The following TSPAN8 variants were observed in gnomAD, a reference collection of about 807,000 sequenced individuals.
The protein encoded by TSPAN8 is tetraspanin-8.
TSPAN8 carries 21 observed loss-of-function variants against 32.8 expected under a neutral mutation model. That is an observed-to-expected ratio of 0.64 (90% CI 0.45 to 0.92). TSPAN8 has a LOEUF of 0.92. Ranked by LOEUF, TSPAN8 falls within the 40% of genes least tolerant of loss-of-function variation. The pLI, the probability that TSPAN8 is intolerant of heterozygous loss-of-function variation, is 0.00. For synonymous variants in TSPAN8, 95 were observed against 94.6 expected (o/e 1.00, Z -0.03); for missense variants, 269 against 281.9 (o/e 0.95, Z 0.33).
rs1872395375 is a variant in TSPAN8 at position 71,155,424 on chromosome 12, T to C, written c.60+2195A>G. On this transcript the variant is annotated intron_variant, in intron 2 of 8. Coordinates refer to ENST00000247829, the MANE Select transcript of TSPAN8 (RefSeq NM_004616.3). ...CACCACAGGTATGCAAACAGCAAAATCCAGACTGTGGGCAATGTGATAAAA... is the reference window on the plus strand; with the variant it reads ...CACCACAGGTATGCAAACAGCAAAACCCAGACTGTGGGCAATGTGATAAAA... Among the ~76,000 whole-genome samples the C allele has an allele frequency of 3.3e-5, 5 of 151,748 alleles. No homozygotes were observed. The South Asian group carries it at 1.0e-3, about 32-fold the overall frequency.
At chr12:71,144,624 G>C (rs979218655) in intron 2 of TSPAN8, among the ~76,000 whole-genome samples, 1 of 152,152 alleles carries the variant, frequency 6.6e-6, no homozygotes, top group Admixed American at 6.5e-5. Flanking sequence ...GGAAAAAAGG[G>C]AATGACGGAA....
intron 2 of TSPAN8, among the ~76,000 whole-genome samples, chr12:71,156,512 A>G (rs1478605884): frequency 6.6e-6 from 1 of 152,140 alleles, no homozygotes; most frequent in Non-Finnish European, 1.5e-5. Context: ...TTTTTTAAAT[A>G]TTTACTTACT....
chr12:71,147,729 T>C (rs1484279632), intron 2 of TSPAN8, among the ~76,000 whole-genome samples: 1 of 152,078 alleles, frequency 6.6e-6, no homozygotes, highest in African/African-American at 2.4e-5. Flanking sequence ...TACTTGTGAG[T>C]TTTTTTGCAT....
chr12:71,152,501 C>A (rs1872288566), intron 2 of TSPAN8, among the ~76,000 whole-genome samples: 2 of 152,110 alleles, frequency 1.3e-5, no homozygotes, highest in Admixed American at 6.6e-5. Context: ...CTTATTTAAT[C>A]ATCACCACAA....
intron 2 of TSPAN8, among the ~76,000 whole-genome samples, chr12:71,152,481 T>G (rs1872287547): frequency 6.6e-6 from 1 of 152,204 alleles, no homozygotes. Context: ...TACTTCTTTA[T>G]ATATATTAAC....
intron 6 of TSPAN8, among the ~76,000 whole-genome samples, chr12:71,136,544 C>T (rs1174956398): frequency 3.3e-5 from 5 of 152,140 alleles, no homozygotes; most frequent in Admixed American, 2.6e-4. Flanking sequence ...GAAACTGATG[C>T]AAAGGCAGGA....
intron 2 of TSPAN8, 115 bp downstream of exon 2, chr12:71,157,504 A>C: frequency 2.8e-6 from 2 of 720,426 alleles, no homozygotes; most frequent in South Asian, 4.2e-5. Context: ...GTACATGGAA[A>C]ATACATTTTC....
intron 6 of TSPAN8, among the ~76,000 whole-genome samples, chr12:71,134,460 G>A (rs989756548): frequency 3.9e-5 from 6 of 152,194 alleles, no homozygotes; most frequent in Non-Finnish European, 7.3e-5. Flanking sequence ...AAATTCAACT[G>A]AGGCAGATAC....
At chr12:71,135,502 A>T (rs1871666992) in intron 6 of TSPAN8, among the ~76,000 whole-genome samples, 1 of 105,712 alleles carries the variant, frequency 9.5e-6, no homozygotes, top group Admixed American at 1.1e-4. Context: ...GAAGAAAAGG[A>T]AGAAGGAGGA....
chr12:71,126,647 T>A (rs80040371), intron 8 of TSPAN8, among the ~76,000 whole-genome samples: 1,777 of 152,274 alleles, frequency 0.012, 28 homozygotes, highest in African/African-American at 0.041. Context: ...CTAAGAGGTA[T>A]GCAGCAGTCT....
intron 3 of TSPAN8, among the ~76,000 whole-genome samples, chr12:71,141,375 T>C (rs1481451572): frequency 6.6e-6 from 1 of 152,178 alleles, no homozygotes; most frequent in African/African-American, 2.4e-5. Flanking sequence ...TCAAAATAAA[T>C]GTGACAAAAA....
chr12:71,125,364 C>A lies in TSPAN8; in HGVS notation c.684G>T (p.Met228Ile), dbSNP rs1871319350. ...TGTTCCCGATCTGGCAATACAGGAC[C>A]ATAGAAAACACCAAACCCAGTATCT... ...VIEILGLVFS[M>I]VLYCQIGNK Residue 228 changes from methionine (M) to isoleucine (I), a missense_variant, in exon 9 of 9, where the codon ATG becomes ATT. By Grantham distance (10) the Met-to-Ile change is conservative. Transcript: ENST00000247829. 1 of 1,612,686 alleles carries A rather than the reference C, an allele frequency of 6.2e-7. No homozygotes were observed. The highest frequency in any genetic ancestry group is 2.2e-5 in the East Asian group (1 of 44,834).
At position 71,157,625 on chromosome 12, in the gene TSPAN8, C is replaced by G; in HGVS notation, c.54G>C (p.Leu18Phe). 1 of 1,611,396 alleles carries G rather than the reference C, an allele frequency of 6.2e-7. No homozygotes were observed. Among genetic ancestry groups the G allele is most frequent in the South Asian group, 1.1e-5 (1 of 91,034 alleles). The stretch of plus-strand genomic sequence containing the variant: ...TTAAAAGGAAAACACTTACCCAGAA[C>G]AAGAAGTTGAAGGTAAACATAGAAT... Reference protein sequence around the residue: ...IKYSMFTFNFLFWLCGILILA... With the variant: ...IKYSMFTFNFFFWLCGILILA... Residue 18 changes from leucine (L) to phenylalanine (F), a missense_variant, in exon 2 of 9, where the codon TTG (leucine) becomes TTC (phenylalanine). Coordinates refer to ENST00000247829, the MANE Select transcript of TSPAN8 (RefSeq NM_004616.3).
At chr12:71,131,883 T>C (rs1450538460) in intron 7 of TSPAN8, among the ~76,000 whole-genome samples, 1 of 151,830 alleles carries the variant, frequency 6.6e-6, no homozygotes, top group East Asian at 2.0e-4. Context: ...TAGTAGACCA[T>C]TGGATTGAAG....
At chr12:71,136,753 A>T (rs1871710028) in intron 6 of TSPAN8, among the ~76,000 whole-genome samples, 1 of 152,218 alleles carries the variant, frequency 6.6e-6, no homozygotes. Context: ...CTGGTCAGAC[A>T]GATCTGGGTT....
intron 7 of TSPAN8, among the ~76,000 whole-genome samples, 188 bp downstream of exon 7, chr12:71,132,505 C>T (rs2137047652): frequency 6.6e-6 from 1 of 152,152 alleles, no homozygotes; most frequent in South Asian, 2.1e-4. Context: ...TGATGCCAGA[C>T]TCATAGAAGA....
chr12:71,144,704 C>T (rs553687932), intron 2 of TSPAN8, among the ~76,000 whole-genome samples: 2 of 152,094 alleles, frequency 1.3e-5, no homozygotes, highest in South Asian at 2.1e-4. Context: ...GTAAAACATA[C>T]GACAAGATGT....
At chr12:71,129,872 G>A (rs965631331) in intron 7 of TSPAN8, among the ~76,000 whole-genome samples, 2 of 151,528 alleles carry the variant, frequency 1.3e-5, no homozygotes, top group African/African-American at 4.8e-5. Context: ...AAAACAGAAA[G>A]GTTTCTGGTT....
At chr12:71,135,733 G>A (rs535128721) in intron 6 of TSPAN8, among the ~76,000 whole-genome samples, 30 of 152,212 alleles carry the variant, frequency 2.0e-4, no homozygotes, top group African/African-American at 6.3e-4. Flanking sequence ...CCAGGGATAC[G>A]TGCAGCAGAT....
Sources: gnomAD v4.1 joint callset for allele counts (sites outside exome capture counted in the v4.1 genomes callset) on GRCh38, gnomAD v4.1.1 for gene constraint, MANE v1.5 for transcripts, NCBI Gene and HGNC (gene_info 2026-07-23, HGNC 2026-07-21) for gene names.